The following TJP3 variants were observed in gnomAD, a reference collection of about 807,000 sequenced individuals.
TJP3 encodes tight junction protein ZO-3.
In TJP3, 85 loss-of-function variants were observed where a neutral mutation model predicts 104.2. The ratio of observed to expected loss-of-function variants is 0.82; its 90% confidence interval spans 0.68 to 0.98. The LOEUF (loss-of-function observed/expected upper bound fraction) is 0.98. Among genes scored for constraint, TJP3 ranks in the 50% least tolerant of loss-of-function variants. TJP3 has a pLI of 0.00. For synonymous variants in TJP3, 550 were observed against 550.6 expected, an observed-to-expected ratio of 1.00 and a Z score of 0.02; for missense variants, 1,367 against 1,322.8, an observed-to-expected ratio of 1.03 and a Z score of -0.52.
intron 5 of TJP3, among the ~76,000 whole-genome samples, chr19:3,731,644 A>T (rs2036672721): frequency 6.7e-6 from 1 of 149,880 alleles, no homozygotes; most frequent in Admixed American, 6.6e-5. Flanking sequence ...GAAAAAAATT[A>T]AAAAATAAAA....
At chr19:3,708,841 C>T (rs558229362) in intron 1 of TJP3, among the ~76,000 whole-genome samples, 3 of 152,106 alleles carry the variant, frequency 2.0e-5, no homozygotes, top group South Asian at 2.1e-4. Flanking sequence ...ACCGGGGAGG[C>T]GGCAAAGGGG....
intron 1 of TJP3, among the ~76,000 whole-genome samples, chr19:3,716,041 AGT>A (rs2036474223): frequency 6.7e-6 from 1 of 149,956 alleles, no homozygotes; most frequent in Non-Finnish European, 1.5e-5. Flanking sequence ...AGCCTCCCGA[AGT>A]GCTGGGATTA....
chr19:3,722,866 G>GGGGGGCC (rs1458102298), intron 1 of TJP3, among the ~76,000 whole-genome samples: 1 of 101,200 alleles, frequency 9.9e-6, no homozygotes, highest in East Asian at 3.9e-4. Flanking sequence ...CGGGGGGGGG[G>GGGGGGCC]GGCACAGGGG....
intron 14 of TJP3, chr19:3,743,727 A>G (rs1282220939): frequency 7.5e-6 from 4 of 535,178 alleles, no homozygotes; most frequent in Non-Finnish European, 1.0e-5. Context: ...AAATGTACAC[A>G]TCAATTCTGC....
chr19:3,715,225 G>C (rs532195385), intron 1 of TJP3, among the ~76,000 whole-genome samples: 1 of 151,858 alleles, frequency 6.6e-6, no homozygotes, highest in Non-Finnish European at 1.5e-5. Context: ...GAGTAGCTGG[G>C]ACTACAGGCG....
rs1055819833 is a variant in TJP3 at position 3,747,847 on chromosome 19, C to T, written c.2376C>T (p.Asp792=). ...ACCTCCCTCACCACGGCCTGGCCGA[C>T]AGCTCCGCTGACCTCAGCTGCGACA... is the stretch of plus-strand genomic sequence containing the variant. ...NLDLPHHGLA[D]SSADLSCDSR... Residue 792 remains aspartate (D), a synonymous_variant, in exon 19 of 21, where the codon GAC becomes GAT. Coordinates refer to ENST00000541714, the MANE Select transcript of TJP3 (RefSeq NM_001267560.2). 1.2e-6 allele frequency: 2 copies of T among 1,611,008 alleles called. No individual in the cohort carries two copies. The highest frequency in any genetic ancestry group is 1.7e-6 in the Non-Finnish European group (2 of 1,179,670).
chr19:3,729,592 C>T (rs566936094), intron 3 of TJP3, among the ~76,000 whole-genome samples: 4 of 151,980 alleles, frequency 2.6e-5, no homozygotes, highest in African/African-American at 9.7e-5. Flanking sequence ...ACCAGCCTGG[C>T]CAACATGGTG....
At position 3,738,639 on chromosome 19, in the gene TJP3, C is replaced by G. The variant is rs149838562; in HGVS notation, c.1369C>G (p.Leu457Val). 1.9e-6 allele frequency: 3 copies of G among 1,613,692 alleles called. No homozygotes were observed. In the African/African-American group the frequency reaches 4.0e-5, roughly 22 times the overall value. ...LGLPPGEEME[L>V]VTQRKQDIFW... is the part of the protein sequence containing the mutation. ...GCTGCCACCAGGCGAGGAGATGGAG[C>G]TGGTGACGCAGAGGAAGCAGGACAG... Residue 457 changes from leucine to valine, a missense_variant, in exon 12 of 21, where the codon CTG (leucine) becomes GTG (valine). Transcript: ENST00000541714.
intron 1 of TJP3, among the ~76,000 whole-genome samples, chr19:3,712,398 A>T (rs530303455): frequency 6.6e-5 from 10 of 152,248 alleles, no homozygotes; most frequent in African/African-American, 1.7e-4. Context: ...TAGCCCTGGG[A>T]CACTGTAATT....
chr19:3,720,392 G>A (rs1039386145), intron 1 of TJP3, among the ~76,000 whole-genome samples: 4 of 152,190 alleles, frequency 2.6e-5, no homozygotes, highest in Non-Finnish European at 5.9e-5. Flanking sequence ...TGTTTACTAA[G>A]CAAACTCTTA....
intron 1 of TJP3, among the ~76,000 whole-genome samples, chr19:3,710,638 G>A (rs904812966): frequency 5.3e-5 from 8 of 152,170 alleles, no homozygotes; most frequent in Non-Finnish European, 1.0e-4. Flanking sequence ...GACACCCTTT[G>A]GAATGGATTG....
intron 1 of TJP3, among the ~76,000 whole-genome samples, chr19:3,724,881 TA>T (rs370381790): frequency 3.3e-3 from 470 of 143,106 alleles, no homozygotes; most frequent in African/African-American, 3.0e-3. Flanking sequence ...CAAAGCAGGT[TA>T]AAAAAAAAAA....
In TJP3 at chr19:3,739,056, G is replaced by C; in HGVS notation, c.1553G>C (p.Arg518Pro). 6.2e-7 allele frequency: 1 copy of C among 1,609,232 alleles called. No individual in the cohort carries two copies. The highest frequency in any genetic ancestry group is 8.5e-7 in the Non-Finnish European group (1 of 1,177,546). ...CCCGGCCCCGGGCAGAGCCACGCAC[G>C]AGGAGGCCACTGGCTGGCGGTGCGC... ...LHPGPGQSHARGGHWLAVRMG... is the reference protein window; with the variant it reads ...LHPGPGQSHAPGGHWLAVRMG... The change falls in exon 13 of 21, where the codon CGA becomes CCA. Residue 518 changes from arginine (R) to proline (P), a missense_variant. Transcript: ENST00000541714.
intron 1 of TJP3, among the ~76,000 whole-genome samples, chr19:3,719,186 G>A (rs1337197682): frequency 1.3e-5 from 2 of 152,026 alleles, no homozygotes; most frequent in African/African-American, 4.8e-5. Flanking sequence ...CCGTCTTGGG[G>A]GGTGGTGGAC....
intron 1 of TJP3, among the ~76,000 whole-genome samples, chr19:3,714,309 A>G (rs1034385102): frequency 2.0e-5 from 3 of 151,770 alleles, no homozygotes; most frequent in African/African-American, 7.3e-5. Flanking sequence ...CCCCCTGAGT[A>G]GCTGGGATTA....
At position 3,746,128 on chromosome 19, in the gene TJP3, C is replaced by T. The variant is rs140081296; in HGVS notation, c.2010+47C>T. The T allele has an allele frequency of 1.9e-3, 2,940 of 1,546,890 alleles. 4 individuals carry two copies. The highest frequency in any genetic ancestry group is 2.5e-3 in the Non-Finnish European group (2,781 of 1,135,048). ...GTCCCATTTCATGGATGGGGGAAAC[C>T]GAGGCCTGGGCATCCAACTGAATGT... On this transcript the variant is annotated intron_variant, in intron 16 of 20. Coordinates refer to ENST00000541714, the MANE Select transcript of TJP3 (RefSeq NM_001267560.2). This position sits in a 1 kb window ranked among gnomAD's most constrained non-coding sequence, Gnocchi z 4.1.
intron 6 of TJP3, 82 bp from the exon 7 acceptor site, chr19:3,733,671 A>G (rs879130940): frequency 3.2e-4 from 507 of 1,572,446 alleles, no homozygotes; most frequent in South Asian, 1.4e-3. Flanking sequence ...GTCTGTTTCA[A>G]GTTCCCCCAC....
At chr19:3,748,848 CTTTTTTTTTTTTTTT>C (rs71166925) in intron 19 of TJP3, among the ~76,000 whole-genome samples, 3 of 48,840 alleles carry the variant, frequency 6.1e-5, no homozygotes, top group East Asian at 4.9e-4. Flanking sequence ...TGCACCCGGC[CTTTTTTTTTTTTTTT>C]TTTTTTTTTT....
At chr19:3,742,495 G>T (rs530328618) in intron 14 of TJP3, among the ~76,000 whole-genome samples, 6 of 150,854 alleles carry the variant, frequency 4.0e-5, no homozygotes, top group South Asian at 2.1e-4. Context: ...AGGACAGGGG[G>T]TTAAAAACCC....
Sources: allele counts gnomAD v4.1 joint callset (sites outside exome capture counted in the v4.1 genomes callset), GRCh38; gene constraint gnomAD v4.1.1; non-coding constraint Gnocchi (gnomAD v3.1); transcripts MANE v1.5; gene names NCBI Gene and HGNC (gene_info 2026-07-23, HGNC 2026-07-21).